CD59: variants seen among roughly 807,000 people sequenced by gnomAD.
CD59 encodes the protein CD59 glycoprotein.
Under a neutral mutation model 7.0 loss-of-function variants are expected in CD59, and 3 were observed. The ratio of observed to expected loss-of-function variants is 0.43; its 90% confidence interval spans 0.19 to 1.10. The LOEUF (loss-of-function observed/expected upper bound fraction) is 1.10, where lower values mean the gene tolerates loss of function less well. Ranked by LOEUF, CD59 falls within the 50% of genes least tolerant of loss-of-function variation. The pLI is 0.29. For synonymous variants in CD59, 60 were observed against 62.0 expected (o/e 0.97, Z 0.15); for missense variants, 143 against 151.0 (o/e 0.95, Z 0.28).
chr11:33,717,494 G>A lies in CD59; in HGVS notation c.68-23C>T, dbSNP rs542979994. On this transcript the variant is annotated intron_variant, in intron 2 of 3. Transcript: ENST00000642928. The stretch of plus-strand genomic sequence containing the variant: ...GACCTAGAATCAGGAAGAAAGTCAG[G>A]ATCTCTTAAAGCAGCACTGACTTGT... 25 of 1,488,354 alleles carry A rather than the reference G, an allele frequency of 1.7e-5. 1 individual carries two copies. In the South Asian group the frequency reaches 2.6e-4, roughly 16 times the overall value. The allele number at this position is 1,488,354 out of a possible 1,614,324, so 92.2% of individuals were successfully genotyped here.
chr11:33,729,699 G>C (rs76819769), intron 1 of CD59, among the ~76,000 whole-genome samples: 2 of 142,874 alleles, frequency 1.4e-5, no homozygotes, highest in Non-Finnish European at 3.1e-5. Context: ...GTATCTCCGA[G>C]AAAAAAAAAA....
intron 1 of CD59, among the ~76,000 whole-genome samples, chr11:33,732,344 T>C (rs1012403636): frequency 2.6e-5 from 4 of 152,132 alleles, no homozygotes; most frequent in African/African-American, 9.7e-5. Context: ...TGGCAGAGCT[T>C]AGGAAATCTG....
intron 3 of CD59, among the ~76,000 whole-genome samples, chr11:33,713,096 C>T (rs1343264781): frequency 1.3e-5 from 2 of 151,950 alleles, no homozygotes; most frequent in African/African-American, 2.4e-5. Context: ...GGAAAAATAG[C>T]CTTGGGCACA....
intron 3 of CD59, among the ~76,000 whole-genome samples, chr11:33,713,815 G>T (rs1383772158): frequency 2.0e-5 from 3 of 152,182 alleles, no homozygotes; most frequent in African/African-American, 7.2e-5. Flanking sequence ...CTTAACGATG[G>T]TAATAATCTC....
At chr11:33,714,720 T>C (rs186102506) in intron 3 of CD59, among the ~76,000 whole-genome samples, 2 of 152,304 alleles carry the variant, frequency 1.3e-5, no homozygotes, top group African/African-American at 4.8e-5. Flanking sequence ...AAAAAATTTT[T>C]AAAAACTTTT....
chr11:33,719,589 T>TCC (rs1250599640), intron 2 of CD59: 1 of 152,154 alleles, frequency 6.6e-6, no homozygotes, highest in African/African-American at 2.4e-5. Flanking sequence ...ACCACTGCAC[T>TCC]CCAGCCTGGG....
chr11:33,726,819 C>T (rs892590930), intron 1 of CD59, among the ~76,000 whole-genome samples: 1 of 151,962 alleles, frequency 6.6e-6, no homozygotes, highest in African/African-American at 2.4e-5. Flanking sequence ...CAAATAGACG[C>T]AATAAAAAAT....
Position 33,710,197 on chromosome 11 carries a change from A to T in CD59, c.316T>A (p.Ser106Thr). The part of the protein sequence containing the change: ...FNEQLENGGT[S>T]LSEKTVLLLV... ...AGAAGAACTGTTTTCTCTGATAAGG[A>T]TGTCCCACCATTTTCAAGCTGTTCG... Residue 106 changes from serine (S) to threonine (T), a missense_variant, in exon 4 of 4, where the codon TCC (serine) becomes ACC (threonine). Physicochemically the swap from Ser to Thr is moderately conservative, Grantham distance 58. Transcript: ENST00000642928. 1 of 1,614,164 alleles carries T rather than the reference A, an allele frequency of 6.2e-7. No individual in the cohort carries two copies. The highest frequency in any genetic ancestry group is 8.5e-7 in the Non-Finnish European group (1 of 1,180,020).
chr11:33,735,111 T>TA (rs1166021888), intron 1 of CD59, among the ~76,000 whole-genome samples: 1 of 152,194 alleles, frequency 6.6e-6, no homozygotes, highest in Non-Finnish European at 1.5e-5. Flanking sequence ...GCCACGTAAA[T>TA]AGCCACATTT....
chr11:33,721,198 G>A (rs150351737), intron 2 of CD59, among the ~76,000 whole-genome samples: 398 of 152,294 alleles, frequency 2.6e-3, no homozygotes, highest in Non-Finnish European at 4.2e-3. Flanking sequence ...CTAGAATCAC[G>A]GAAGGTGGGG....
intron 3 of CD59, among the ~76,000 whole-genome samples, chr11:33,715,171 AAAT>A (rs1161065772): frequency 1.6e-4 from 24 of 151,986 alleles, no homozygotes; most frequent in African/African-American, 5.5e-4. Context: ...ATTTATTATA[AAAT>A]ATTATATACT....
At chr11:33,735,114 C>T (rs186204865) in intron 1 of CD59, among the ~76,000 whole-genome samples, 6 of 152,322 alleles carry the variant, frequency 3.9e-5, no homozygotes, top group Admixed American at 3.9e-4. Flanking sequence ...ACGTAAATAG[C>T]CACATTTTGG....
chr11:33,714,424 C>T (rs1004167295), intron 3 of CD59, among the ~76,000 whole-genome samples: 1 of 152,180 alleles, frequency 6.6e-6, no homozygotes, highest in Non-Finnish European at 1.5e-5. Context: ...AGGGCACTTA[C>T]TGTGAATGGA....
chr11:33,725,666 C>A (rs1306076088), intron 1 of CD59, among the ~76,000 whole-genome samples: 2 of 152,102 alleles, frequency 1.3e-5, no homozygotes, highest in Non-Finnish European at 2.9e-5. Context: ...GGCCTTTCAT[C>A]ACAGGAATAA....
intron 1 of CD59, chr11:33,731,367 A>C (rs901798782): frequency 6.6e-5 from 10 of 152,292 alleles, no homozygotes; most frequent in Non-Finnish European, 1.2e-4. Flanking sequence ...TAAAACATTT[A>C]ACACATCAAA....
intron 1 of CD59, among the ~76,000 whole-genome samples, chr11:33,729,666 T>A (rs1302437708): frequency 6.6e-6 from 1 of 151,672 alleles, no homozygotes; most frequent in Non-Finnish European, 1.5e-5. Flanking sequence ...AAAGTATAAT[T>A]TTTAAAAAAG....
At chr11:33,726,301 G>C (rs192511558) in intron 1 of CD59, among the ~76,000 whole-genome samples, 72 of 152,300 alleles carry the variant, frequency 4.7e-4, no homozygotes, top group Non-Finnish European at 7.6e-4. Context: ...CTCAGCAAAT[G>C]TAAAAGAACA....
chr11:33,725,286 A>G (rs961055144), intron 1 of CD59, among the ~76,000 whole-genome samples: 27 of 123,738 alleles, frequency 2.2e-4, no homozygotes, highest in African/African-American at 8.7e-4. Context: ...CATTTTAAGG[A>G]AAAAAAAAAA....
chr11:33,721,350 A>T (rs1357908660), intron 2 of CD59, among the ~76,000 whole-genome samples: 1 of 152,166 alleles, frequency 6.6e-6, no homozygotes, highest in Non-Finnish European at 1.5e-5. Context: ...GAATGGCTGG[A>T]CGGATTTAAA....
Sources: allele counts gnomAD v4.1 joint callset (sites outside exome capture counted in the v4.1 genomes callset), GRCh38; gene constraint gnomAD v4.1.1; transcripts MANE v1.5; gene names NCBI Gene and HGNC (gene_info 2026-07-23, HGNC 2026-07-21).